PDS5B: variants seen among roughly 807,000 people sequenced by gnomAD.
PDS5B encodes the protein PDS5 cohesin associated factor B.
A neutral mutation model predicts 184.1 loss-of-function variants in PDS5B; 51 were observed. The ratio of observed to expected loss-of-function variants is 0.28; its 90% confidence interval spans 0.22 to 0.35. PDS5B has a LOEUF of 0.35. Ranked by LOEUF, PDS5B falls within the 10% of genes least tolerant of loss-of-function variation. The probability of loss-of-function intolerance (pLI) is 1.00; values close to 1 mark genes in which losing one functional copy is unlikely to be tolerated. For synonymous variants in PDS5B, 566 were observed against 569.2 expected, an observed-to-expected ratio of 0.99 and a Z score of 0.08; for missense variants, 1,180 against 1,723.3, an observed-to-expected ratio of 0.68 and a Z score of 5.58.
chr13:32,632,549 T>A (rs1382310525), intron 1 of PDS5B, among the ~76,000 whole-genome samples: 3 of 152,206 alleles, frequency 2.0e-5, no homozygotes, highest in African/African-American at 7.2e-5. Flanking sequence ...GAGCCCTCAT[T>A]TGCTGATGTA....
chr13:32,657,922 T>A (rs1303334109), intron 3 of PDS5B, among the ~76,000 whole-genome samples: 1 of 152,214 alleles, frequency 6.6e-6, no homozygotes, highest in Admixed American at 6.5e-5. Flanking sequence ...CAACATTTTT[T>A]ATTCTAAAAA....
chr13:32,699,600 T>G, intron 15 of PDS5B, 130 bp from the exon 16 acceptor site: 1 of 487,634 alleles, frequency 2.1e-6, no homozygotes. Context: ...TTTCACAATT[T>G]ATTTTGTTAA....
At chr13:32,719,575 G>C (rs1359510329) in intron 19 of PDS5B, among the ~76,000 whole-genome samples, 1 of 152,018 alleles carries the variant, frequency 6.6e-6, no homozygotes. Context: ...TATGGTTCTA[G>C]GTGTACAGTA....
chr13:32,644,497 G>A (rs912978334), intron 1 of PDS5B, among the ~76,000 whole-genome samples: 4 of 151,820 alleles, frequency 2.6e-5, no homozygotes, highest in African/African-American at 9.7e-5. Context: ...TGTGAATAAC[G>A]ACTGGTTCAT....
chr13:32,684,278 C>T (rs1951326067), intron 11 of PDS5B, among the ~76,000 whole-genome samples: 1 of 152,024 alleles, frequency 6.6e-6, no homozygotes, highest in Non-Finnish European at 1.5e-5. Context: ...CAATGTTTAT[C>T]CTGTATACCA....
chr13:32,609,223 A>G (rs993820107), intron 1 of PDS5B, among the ~76,000 whole-genome samples: 3 of 152,220 alleles, frequency 2.0e-5, no homozygotes, highest in African/African-American at 7.2e-5. Context: ...CCGTTGTTGG[A>G]TTAATTTTTC....
chr13:32,761,834 G>T (rs1954411287), intron 30 of PDS5B, among the ~76,000 whole-genome samples: 1 of 152,154 alleles, frequency 6.6e-6, no homozygotes, highest in Non-Finnish European at 1.5e-5. Flanking sequence ...TAGTGGGATT[G>T]CTGGATCAAA....
At chr13:32,622,114 T>C (rs1051210805) in intron 1 of PDS5B, among the ~76,000 whole-genome samples, 4 of 152,132 alleles carry the variant, frequency 2.6e-5, no homozygotes, top group Non-Finnish European at 4.4e-5. Context: ...CACTCTTTTT[T>C]ATCTTCTTTC....
At chr13:32,602,233 C>T (rs2057987554) in intron 1 of PDS5B, among the ~76,000 whole-genome samples, 1 of 152,030 alleles carries the variant, frequency 6.6e-6, no homozygotes, top group Non-Finnish European at 1.5e-5. Context: ...CTAATGCTAT[C>T]CCTCTCCCCT....
chr13:32,608,203 T>G (rs1421006392), intron 1 of PDS5B, among the ~76,000 whole-genome samples: 1 of 152,138 alleles, frequency 6.6e-6, no homozygotes, highest in African/African-American at 2.4e-5. Flanking sequence ...TTCTTAAGTA[T>G]TTTTGCTGAT....
intron 1 of PDS5B, among the ~76,000 whole-genome samples, chr13:32,621,472 A>C (rs1256994862): frequency 6.6e-6 from 1 of 152,200 alleles, no homozygotes; most frequent in Non-Finnish European, 1.5e-5. Flanking sequence ...GTCTCAAAAA[A>C]AAGAGGAGAA....
At chr13:32,650,614 C>G (rs1337233075) in intron 2 of PDS5B, 1 of 152,070 alleles carries the variant, frequency 6.6e-6, no homozygotes, top group Non-Finnish European at 1.5e-5. Context: ...TATAGGCAAT[C>G]AAAGCATAAA....
chr13:32,761,523 A>G (rs1259988789), intron 30 of PDS5B, among the ~76,000 whole-genome samples: 1 of 151,960 alleles, frequency 6.6e-6, no homozygotes, highest in African/African-American at 2.4e-5. Context: ...GTGTATACCC[A>G]TGTGTGTTTG....
chr13:32,643,101 T>C (rs768867585), intron 1 of PDS5B, among the ~76,000 whole-genome samples: 2 of 152,152 alleles, frequency 1.3e-5, no homozygotes, highest in Admixed American at 1.3e-4. Context: ...GTATTTGTTT[T>C]TATGAATCAT....
chr13:32,620,098 C>G (rs2058276108), intron 1 of PDS5B, among the ~76,000 whole-genome samples: 1 of 152,078 alleles, frequency 6.6e-6, no homozygotes, highest in African/African-American at 2.4e-5. Flanking sequence ...TGCACCCGGC[C>G]CTGGTTAGAT....
intron 17 of PDS5B, 28 bp downstream of exon 17, chr13:32,701,466 C>T (rs768018198): frequency 7.8e-7 from 1 of 1,289,664 alleles, no homozygotes; most frequent in East Asian, 2.3e-5. Flanking sequence ...ACTAAGTTCT[C>T]ATTGCTGTTC....
chr13:32,609,906 A>G (rs1490753520), intron 1 of PDS5B, among the ~76,000 whole-genome samples: 1 of 152,128 alleles, frequency 6.6e-6, no homozygotes, highest in Non-Finnish European at 1.5e-5. Context: ...AAAAGAAAAA[A>G]AAAAAACAAA....
At chr13:32,666,171 C>T (rs1347161829) in intron 6 of PDS5B, among the ~76,000 whole-genome samples, 1 of 152,174 alleles carries the variant, frequency 6.6e-6, no homozygotes, top group African/African-American at 2.4e-5. Flanking sequence ...ACCTCTGCCT[C>T]CCAGGTTCAA....
intron 7 of PDS5B, among the ~76,000 whole-genome samples, chr13:32,669,057 TG>T: frequency 1.3e-5 from 2 of 152,334 alleles, no homozygotes; most frequent in South Asian, 4.1e-4. Flanking sequence ...TCTGCAGTTT[TG>T]TAAGTTACGG....
Sources: allele counts gnomAD v4.1 joint callset (sites outside exome capture counted in the v4.1 genomes callset), GRCh38; gene constraint gnomAD v4.1.1; transcripts MANE v1.5; gene names NCBI Gene and HGNC (gene_info 2026-07-23, HGNC 2026-07-21).